PAK5: variants seen among roughly 807,000 people sequenced by gnomAD.
PAK5 encodes p21 (RAC1) activated kinase 5, also known as serine/threonine-protein kinase PAK 5.
Under a neutral mutation model 65.9 loss-of-function variants are expected in PAK5, and 16 were observed. The observed-to-expected ratio is 0.24, with a 90% confidence interval of 0.16 to 0.37. The LOEUF (loss-of-function observed/expected upper bound fraction) is 0.37, where lower values mean the gene tolerates loss of function less well. PAK5 is among the 10% of genes least tolerant of loss of function. PAK5 has a pLI of 1.00. For synonymous variants in PAK5, 371 were observed against 354.9 expected (o/e 1.05, Z -0.51); for missense variants, 785 against 903.9 (o/e 0.87, Z 1.69).
intron 1 of PAK5, among the ~76,000 whole-genome samples, chr20:9,734,825 C>G (rs2048371591): frequency 6.6e-6 from 1 of 152,246 alleles, no homozygotes; most frequent in Non-Finnish European, 1.5e-5. Flanking sequence ...AGACAGGTAA[C>G]CAGTCTAGGA....
intron 1 of PAK5, among the ~76,000 whole-genome samples, chr20:9,744,532 T>C (rs1020114829): frequency 2.0e-5 from 3 of 152,318 alleles, no homozygotes; most frequent in Non-Finnish European, 4.4e-5. Context: ...TGAGTTAAAA[T>C]ATTAACAAAG....
rs59759532 is a variant in PAK5 at position 9,538,881 on chromosome 20, T to C, written c.*581A>G. 1.7e-3 allele frequency: 401 copies of C among 233,110 alleles called. 3 individuals carry two copies. The East Asian group carries it at 0.022, about 13-fold the overall frequency. 14.4% of individuals were successfully genotyped at this position (233,110 alleles called of 1,614,324 possible). On this transcript the variant is annotated 3_prime_UTR_variant, in exon 10 of 10. Transcript: ENST00000353224. ...AGTATTCAAAGTTCCTAAAGAATCA[T>C]TGGTTCTCTTAAAGGGATAAAAAAG...
At chr20:9,749,585 T>C (rs912403614) in intron 1 of PAK5, among the ~76,000 whole-genome samples, 2 of 152,184 alleles carry the variant, frequency 1.3e-5, no homozygotes, top group African/African-American at 4.8e-5. Flanking sequence ...GAAATGAATG[T>C]TAATGGGAAG....
chr20:9,809,125 A>G (rs144498240), intron 1 of PAK5, among the ~76,000 whole-genome samples: 13 of 152,198 alleles, frequency 8.5e-5, no homozygotes, highest in African/African-American at 3.1e-4. Flanking sequence ...AGTGTGGGAA[A>G]CATCATCAAC....
chr20:9,732,022 A>G (rs1369836590), intron 1 of PAK5, among the ~76,000 whole-genome samples: 2 of 152,180 alleles, frequency 1.3e-5, no homozygotes, highest in Non-Finnish European at 2.9e-5. Context: ...TGGAAAATTG[A>G]CATGTAAGGA....
chr20:9,777,575 A>G (rs1406282062), intron 1 of PAK5, among the ~76,000 whole-genome samples: 1 of 152,222 alleles, frequency 6.6e-6, no homozygotes, highest in African/African-American at 2.4e-5. Flanking sequence ...AGTCATGAGT[A>G]TGTCTCTATT....
chr20:9,542,081 C>T (rs540478633), intron 9 of PAK5, among the ~76,000 whole-genome samples: 112 of 152,264 alleles, frequency 7.4e-4, no homozygotes, highest in Admixed American at 2.8e-3. Flanking sequence ...AGCTTTCAAT[C>T]CCTTCTCCTG....
At chr20:9,742,744 A>G (rs1371325353) in intron 1 of PAK5, among the ~76,000 whole-genome samples, 2 of 152,216 alleles carry the variant, frequency 1.3e-5, no homozygotes, top group African/African-American at 4.8e-5. Context: ...AGTTCCACCA[A>G]TATCTGGGTA....
At chr20:9,620,991 T>C (rs1266313238) in intron 3 of PAK5, among the ~76,000 whole-genome samples, 3 of 150,166 alleles carry the variant, frequency 2.0e-5, no homozygotes, top group African/African-American at 2.5e-5. Context: ...GAGAGAACAA[T>C]GGCTCAGAAC....
In PAK5 at chr20:9,538,927, C is replaced by T. The variant is rs930641492; in HGVS notation, c.*535G>A. The T allele has an allele frequency of 2.1e-5, 5 of 233,092 alleles. No individual in the cohort carries two copies. The highest frequency in any genetic ancestry group is 1.1e-4 in the African/African-American group (5 of 45,296). 14.4% of individuals were successfully genotyped at this position (233,092 alleles called of 1,614,324 possible). A position where few individuals can be genotyped will look rare whatever the true frequency, so the allele number is the denominator to read the frequency against. On this transcript the variant is annotated 3_prime_UTR_variant, in exon 10 of 10. Transcript: ENST00000353224. ...AAAAGTAGGAAAGGCTTTGTTCAAA[C>T]TCCTCTAGTAAACAAGTATTACTTC...
At position 9,773,402 on chromosome 20, in the gene PAK5, C is replaced by T. The variant is rs149188330; in HGVS notation, c.-161-61967G>A. On this transcript the variant is annotated intron_variant, in intron 1 of 9. Coordinates refer to ENST00000353224, the MANE Select transcript of PAK5 (RefSeq NM_177990.4). ...ATCCCTCCCCCTTCCCCCGACCCCA[C>T]GACAGGCCCTGGTGTGTGATGTTCC... 2.3e-3 allele frequency among the ~76,000 whole-genome samples: 354 copies of T among 152,080 alleles called. 2 individuals carry two copies. The highest frequency in any genetic ancestry group is 8.2e-3 in the African/African-American group (342 of 41,474).
At chr20:9,739,866 A>G (rs149242177) in intron 1 of PAK5, among the ~76,000 whole-genome samples, 1 of 152,288 alleles carries the variant, frequency 6.6e-6, no homozygotes, top group East Asian at 1.9e-4. Flanking sequence ...TTAAGATAAA[A>G]GTGAGGGTCA....
chr20:9,816,804 T>C (rs532004386), intron 1 of PAK5, among the ~76,000 whole-genome samples: 82 of 152,294 alleles, frequency 5.4e-4, no homozygotes, highest in African/African-American at 1.9e-3. Context: ...CAGAGAACCC[T>C]GACTAGTACA....
chr20:9,576,348 T>TAATTGGGCCAAGTTTGCCCTC (rs764621669), intron 4 of PAK5, among the ~76,000 whole-genome samples: 12 of 152,156 alleles, frequency 7.9e-5, no homozygotes, highest in Non-Finnish European at 1.2e-4. Context: ...CAGTTGTCCT[T>TAATTGGGCCAAGTTTGCCCTC]AACTGGGCCA....
chr20:9,697,098 C>A (rs6056809), intron 2 of PAK5, among the ~76,000 whole-genome samples: 49,475 of 151,866 alleles, frequency 0.33, 9,230 homozygotes, highest in African/African-American at 0.51. Flanking sequence ...GTTTTTCAAG[C>A]AGCATTCCTC....
At position 9,538,438 on chromosome 20, in the gene PAK5, G is replaced by A. The variant is rs984784130; in HGVS notation, c.*1024C>T. On this transcript the variant is annotated 3_prime_UTR_variant, in exon 10 of 10. Coordinates refer to ENST00000353224, the MANE Select transcript of PAK5 (RefSeq NM_177990.4). Reference sequence around the variant, plus strand: ...AAAATGGTGACAAATGAAACCAAACGTCTTGCCCTGTTCTCTCCTCTCCCT... The same window carrying A: ...AAAATGGTGACAAATGAAACCAAACATCTTGCCCTGTTCTCTCCTCTCCCT... 13 of 233,566 alleles carry A rather than the reference G, an allele frequency of 5.6e-5. No individual in the cohort carries two copies. Among genetic ancestry groups the A allele is most frequent in the African/African-American group, 1.3e-4 (6 of 45,460 alleles). The allele number at this position is 233,566 out of a possible 1,614,324, so 14.5% of individuals were successfully genotyped here.
intron 2 of PAK5, among the ~76,000 whole-genome samples, chr20:9,697,991 T>C (rs1339123919): frequency 3.3e-5 from 5 of 152,078 alleles, no homozygotes; most frequent in Non-Finnish European, 7.4e-5. Flanking sequence ...ATGATGTTAG[T>C]ACTGTTTGAC....
At chr20:9,705,981 C>A (rs2048001691) in intron 2 of PAK5, among the ~76,000 whole-genome samples, 1 of 152,028 alleles carries the variant, frequency 6.6e-6, no homozygotes, top group South Asian at 2.1e-4. Flanking sequence ...CAACACAGAC[C>A]CAGGAGTACA....
At chr20:9,677,470 A>G (rs199944168) in intron 2 of PAK5, among the ~76,000 whole-genome samples, 1 of 152,328 alleles carries the variant, frequency 6.6e-6, no homozygotes, top group East Asian at 1.9e-4. Context: ...GGCCTTAGAC[A>G]TGAAACCCTG....
Sources: gnomAD v4.1 joint callset for allele counts (sites outside exome capture counted in the v4.1 genomes callset) on GRCh38, gnomAD v4.1.1 for gene constraint, MANE v1.5 for transcripts, NCBI Gene and HGNC (gene_info 2026-07-23, HGNC 2026-07-21) for gene names.